SLC43A1: variants seen among roughly 807,000 people sequenced by gnomAD.
The protein encoded by SLC43A1 is solute carrier family 43 member 1.
Under a neutral mutation model 59.5 loss-of-function variants are expected in SLC43A1, and 31 were observed. The observed-to-expected ratio is 0.52, with a 90% CI of 0.39 to 0.70. The LOEUF (loss-of-function observed/expected upper bound fraction) is 0.70. Ranked by LOEUF, SLC43A1 falls within the 30% of genes least tolerant of loss-of-function variation. The pLI, the probability that SLC43A1 is intolerant of heterozygous loss-of-function variation, is 0.00. For missense variants in SLC43A1, 598 were observed against 717.8 expected (o/e 0.83, Z 1.91); for synonymous variants, 259 against 290.9 (o/e 0.89, Z 1.12).
chr11:57,492,432 T>A (rs1006848709), intron 8 of SLC43A1, among the ~76,000 whole-genome samples: 70 of 129,592 alleles, frequency 5.4e-4, no homozygotes, highest in African/African-American at 1.8e-3. Flanking sequence ...CTCTAAAAAA[T>A]ATATATATAT....
chr11:57,485,808 G>T (rs1460855596), intron 14 of SLC43A1, among the ~76,000 whole-genome samples: 1 of 152,188 alleles, frequency 6.6e-6, no homozygotes. Flanking sequence ...GGGCTGTTGT[G>T]GCGAAGATGT....
chr11:57,514,326 G>C lies in SLC43A1; in HGVS notation c.-13-202C>G, dbSNP rs2135238208. On this transcript the variant is annotated intron_variant, in intron 1 of 14. Transcript: ENST00000278426. The surrounding 1 kb of genome is among the most constrained non-coding windows in gnomAD (Gnocchi z 5.5). The stretch of plus-strand genomic sequence containing the variant: ...GTGCCAGAGGTGCACGCGGCACGGG[G>C]CTCCCGCTGAGCCACTATCGGAAAC... 1.7e-6 allele frequency: 1 copy of C among 580,282 alleles called. No homozygotes were observed. Among genetic ancestry groups the C allele is most frequent in the African/African-American group, 1.9e-5 (1 of 53,096 alleles). The allele number at this position is 580,282 out of a possible 1,614,324, so 35.9% of individuals were successfully genotyped here. A position where few individuals can be genotyped will look rare whatever the true frequency, so the allele number is the denominator to read the frequency against.
At chr11:57,502,990 A>T (rs959747998) in intron 2 of SLC43A1, among the ~76,000 whole-genome samples, 1 of 152,192 alleles carries the variant, frequency 6.6e-6, no homozygotes, top group Non-Finnish European at 1.5e-5. Context: ...ATCTGCCCTC[A>T]GTAGTGAAAA....
rs183084226 is a variant in SLC43A1, at chr11:57,509,312, G to A, written c.154+4646C>T. 9.7e-4 allele frequency among the ~76,000 whole-genome samples: 148 copies of A among 151,860 alleles called. 1 individual carries two copies. Among genetic ancestry groups the A allele is most frequent in the African/African-American group, 2.9e-3 (118 of 41,380 alleles). On this transcript the variant is annotated intron_variant, in intron 2 of 14. Transcript: ENST00000278426. ...ACAAAACTCTAAGAAAACACAGGCC[G>A]GGCATGGTGGCTCACACCTGCAATC...
intron 5 of SLC43A1, among the ~76,000 whole-genome samples, chr11:57,499,855 T>C (rs1944206031): frequency 6.6e-6 from 1 of 151,916 alleles, no homozygotes; most frequent in Non-Finnish European, 1.5e-5. Flanking sequence ...AGAGAAGGGA[T>C]TTAGGGCCCT....
At chr11:57,488,891 A>C in intron 13 of SLC43A1, 25 bp downstream of exon 13, 3 of 1,601,262 alleles carry the variant, frequency 1.9e-6, no homozygotes, top group Non-Finnish European at 2.6e-6. Flanking sequence ...AAGCTCAGGA[A>C]GGCATTTCAG....
chr11:57,509,626 GA>G, intron 2 of SLC43A1, among the ~76,000 whole-genome samples: 1 of 130,916 alleles, frequency 7.6e-6, no homozygotes, highest in Admixed American at 8.0e-5. Flanking sequence ...AGGAAGGAAG[GA>G]AGGAAGGAAG....
At chr11:57,505,162 G>GT (rs1427711089) in intron 2 of SLC43A1, among the ~76,000 whole-genome samples, 1 of 152,226 alleles carries the variant, frequency 6.6e-6, no homozygotes, top group East Asian at 1.9e-4. Flanking sequence ...GGTTCAGGAA[G>GT]TAACATGGAG....
intron 11 of SLC43A1, among the ~76,000 whole-genome samples, chr11:57,490,097 C>A (rs920834811): frequency 6.6e-6 from 1 of 152,206 alleles, no homozygotes; most frequent in Non-Finnish European, 1.5e-5. Flanking sequence ...CAGTCTCTTT[C>A]TCCCATCCTC....
chr11:57,490,961 C>T (rs913359954), intron 11 of SLC43A1, among the ~76,000 whole-genome samples: 4 of 152,172 alleles, frequency 2.6e-5, no homozygotes, highest in African/African-American at 7.2e-5. Context: ...AAGATATTAA[C>T]GCATCTACCT....
chr11:57,489,721 G>A (rs1943846640), intron 11 of SLC43A1, among the ~76,000 whole-genome samples: 1 of 152,184 alleles, frequency 6.6e-6, no homozygotes, highest in African/African-American at 2.4e-5. Context: ...TGATTCTCAT[G>A]CACACTTGAA....
chr11:57,495,051 T>A (rs1404512708), intron 7 of SLC43A1, among the ~76,000 whole-genome samples: 1 of 151,828 alleles, frequency 6.6e-6, no homozygotes, highest in East Asian at 2.0e-4. Context: ...TTTCTCCATG[T>A]TGGTCAGGCT....
At chr11:57,506,956 G>A (rs1012113310) in intron 2 of SLC43A1, among the ~76,000 whole-genome samples, 11 of 152,198 alleles carry the variant, frequency 7.2e-5, no homozygotes, top group African/African-American at 2.7e-4. Context: ...CAGAGGCTCC[G>A]TTAGCTGTGA....
chr11:57,504,562 G>A (rs1944348367), intron 2 of SLC43A1, among the ~76,000 whole-genome samples: 1 of 152,178 alleles, frequency 6.6e-6, no homozygotes, highest in Non-Finnish European at 1.5e-5. Flanking sequence ...TAAAGGGTGA[G>A]TACAATGGTC....
chr11:57,500,333 G>T (rs1376471518), intron 5 of SLC43A1, among the ~76,000 whole-genome samples: 1 of 152,152 alleles, frequency 6.6e-6, no homozygotes. Context: ...ATCTCAAGCT[G>T]CTCCCTCCCC....
intron 5 of SLC43A1, 29 bp from the exon 6 acceptor site, chr11:57,497,874 T>G (rs1944136364): frequency 6.4e-7 from 1 of 1,573,706 alleles, no homozygotes; most frequent in East Asian, 2.2e-5. Context: ...ACCCATGAGG[T>G]GGGGACACCG....
In SLC43A1 at chr11:57,485,176, G is replaced by C. The variant is rs146346481; in HGVS notation, c.1600C>G (p.Arg534Gly). The C allele has an allele frequency of 1.2e-6, 2 of 1,613,924 alleles. No individual in the cohort carries two copies. The highest frequency in any genetic ancestry group is 2.2e-5 in the East Asian group (1 of 44,884). The change falls in exon 15 of 15, where the codon CGT becomes GGT. Residue 534 changes from arginine (R) to glycine (G), a missense_variant. Coordinates refer to ENST00000278426, the MANE Select transcript of SLC43A1 (RefSeq NM_003627.6). ...GCGTACTCCTGCTGGAGCCGGGCACGGTAATAGAAGAGGTAGGAAGGCAAC... is the reference window on the plus strand; with the variant it reads ...GCGTACTCCTGCTGGAGCCGGGCACCGTAATAGAAGAGGTAGGAAGGCAAC... Reference protein sequence around the residue: ...FLLPSYLFYYRARLQQEYAAN... With the variant: ...FLLPSYLFYYGARLQQEYAAN...
chr11:57,507,560 T>C (rs1167484347), intron 2 of SLC43A1, among the ~76,000 whole-genome samples: 1 of 152,198 alleles, frequency 6.6e-6, no homozygotes, highest in Non-Finnish European at 1.5e-5. Context: ...TGAGGATCAC[T>C]TGTATCCAGG....
chr11:57,489,255 A>G lies in SLC43A1; in HGVS notation c.1331T>C (p.Leu444Pro). The change falls in exon 12 of 15, where the codon CTC becomes CCC. Residue 444 changes from leucine to proline, a missense_variant. Coordinates refer to ENST00000278426, the MANE Select transcript of SLC43A1 (RefSeq NM_003627.6). Reference protein sequence around the residue: ...GITCLINNLHLQFVTFVLHTI... With the variant: ...GITCLINNLHPQFVTFVLHTI... Reference sequence around the variant, plus strand: ...GGGAAGGATGAAGGTGGGTACCTGGAGGTGTAAGTTGTTGATGAGACAGGT... The same window carrying G: ...GGGAAGGATGAAGGTGGGTACCTGGGGGTGTAAGTTGTTGATGAGACAGGT... 1 of 1,614,100 alleles carries G rather than the reference A, an allele frequency of 6.2e-7. No homozygotes were observed. Among genetic ancestry groups the G allele is most frequent in the Non-Finnish European group, 8.5e-7 (1 of 1,180,014 alleles).
Sources: allele counts gnomAD v4.1 joint callset (sites outside exome capture counted in the v4.1 genomes callset), GRCh38; gene constraint gnomAD v4.1.1; non-coding constraint Gnocchi (gnomAD v3.1); transcripts MANE v1.5; gene names NCBI Gene and HGNC (gene_info 2026-07-23, HGNC 2026-07-21).